Variants in EYS observed in about 807,000 individuals in gnomAD.
EYS encodes the protein protein eyes shut homolog.
Under a neutral mutation model 282.1 loss-of-function variants are expected in EYS, and 250 were observed. The ratio of observed to expected loss-of-function variants is 0.89; its 90% CI spans 0.80 to 0.98. The LOEUF (loss-of-function observed/expected upper bound fraction) is 0.98. EYS is among the 50% of genes least tolerant of loss of function. The pLI, the probability that EYS is intolerant of heterozygous loss-of-function variation, is 0.00. For missense variants in EYS, 4,016 were observed against 3,709.0 expected, an observed-to-expected ratio of 1.08 and a Z score of -2.15; for synonymous variants, 1,355 against 1,282.9, an observed-to-expected ratio of 1.06 and a Z score of -1.20.
chr6:65,030,299 G>C (rs555700459), intron 13 of EYS, among the ~76,000 whole-genome samples: 1 of 152,056 alleles, frequency 6.6e-6, no homozygotes, highest in Non-Finnish European at 1.5e-5. Flanking sequence ...CTTCCTGGTG[G>C]CCATTGCCAT....
intron 8 of EYS, among the ~76,000 whole-genome samples, chr6:65,363,740 G>A (rs1467124082): frequency 6.6e-6 from 1 of 151,648 alleles, no homozygotes; most frequent in Admixed American, 6.6e-5. Flanking sequence ...TTTGCATTTT[G>A]TAATTTAACT....
At chr6:65,146,582 G>A (rs1053435384) in intron 12 of EYS, among the ~76,000 whole-genome samples, 6 of 151,834 alleles carry the variant, frequency 4.0e-5, no homozygotes, top group Admixed American at 2.0e-4. Flanking sequence ...TGGTTGCTAC[G>A]TAATTACAAT....
intron 31 of EYS, among the ~76,000 whole-genome samples, chr6:64,196,228 A>G (rs967290238): frequency 5.3e-5 from 8 of 152,244 alleles, no homozygotes; most frequent in African/African-American, 1.9e-4. Context: ...GGCAATCATT[A>G]AAAAGTCAGG....
chr6:64,807,882 G>T, intron 22 of EYS, among the ~76,000 whole-genome samples: 1 of 151,778 alleles, frequency 6.6e-6, no homozygotes, highest in East Asian at 1.9e-4. Flanking sequence ...CTATGTATTT[G>T]TCCACAGTAA....
rs1161192072 is a variant in EYS at position 64,296,571 on chromosome 6, TA to T, written c.6191+10398del. ...ATATATATATATATATATATATATA[TA>T]TATATATATATACATATATATATAT... On this transcript the variant is annotated intron_variant, in intron 30 of 42. Coordinates refer to ENST00000503581, the MANE Select transcript of EYS (RefSeq NM_001142800.2). Among the ~76,000 whole-genome samples, 9 of 8,800 alleles carry T rather than the reference TA, an allele frequency of 1.0e-3. 1 individual carries two copies. Among genetic ancestry groups the T allele is most frequent in the African/African-American group, 7.0e-3 (9 of 1,282 alleles). The allele number at this position is 8,800 out of a possible 152,430, so 5.8% of individuals were successfully genotyped here.
At chr6:65,274,908 AGG>A (rs1491233550) in intron 12 of EYS, among the ~76,000 whole-genome samples, 1 of 39,098 alleles carries the variant, frequency 2.6e-5, no homozygotes, top group African/African-American at 1.3e-4. Context: ...CCAAAAAAAA[AGG>A]AGAGAGAGAG....
chr6:64,500,616 A>C (rs1433302143), intron 26 of EYS, among the ~76,000 whole-genome samples: 1 of 152,164 alleles, frequency 6.6e-6, no homozygotes, highest in Non-Finnish European at 1.5e-5. Context: ...TCAAAAGGAA[A>C]TTGTGTTAAT....
At chr6:64,842,710 G>A (rs889217525) in intron 19 of EYS, among the ~76,000 whole-genome samples, 4 of 152,044 alleles carry the variant, frequency 2.6e-5, no homozygotes, top group African/African-American at 9.7e-5. Flanking sequence ...CTTTGGACCT[G>A]CCCTAGAGAT....
chr6:64,861,331 A>G (rs564572977), intron 19 of EYS, among the ~76,000 whole-genome samples: 3 of 152,240 alleles, frequency 2.0e-5, no homozygotes, highest in African/African-American at 7.2e-5. Flanking sequence ...CTTGGCCTCA[A>G]CTCAACTCTG....
At chr6:64,652,871 C>CGT (rs1440025035) in intron 22 of EYS, among the ~76,000 whole-genome samples, 1 of 151,914 alleles carries the variant, frequency 6.6e-6, no homozygotes, top group Admixed American at 6.6e-5. Flanking sequence ...TATAAAATTC[C>CGT]GTGTGTGTGT....
chr6:65,621,023 T>C (rs1296279750), intron 2 of EYS, among the ~76,000 whole-genome samples: 1 of 152,206 alleles, frequency 6.6e-6, no homozygotes, highest in Non-Finnish European at 1.5e-5. Context: ...AAAAAATGTA[T>C]ATTCTGTTGA....
At chr6:64,746,246 G>T (rs896818945) in intron 22 of EYS, among the ~76,000 whole-genome samples, 1 of 151,846 alleles carries the variant, frequency 6.6e-6, no homozygotes, top group Non-Finnish European at 1.5e-5. Flanking sequence ...GGCCATAAGG[G>T]TTCCATCCTC....
chr6:65,114,217 T>C, intron 12 of EYS, among the ~76,000 whole-genome samples: 1 of 151,934 alleles, frequency 6.6e-6, no homozygotes, highest in Admixed American at 6.6e-5. Flanking sequence ...GTTAAAGTAT[T>C]CTAAATACAT....
chr6:65,344,338 C>T (rs930802031), intron 9 of EYS, among the ~76,000 whole-genome samples, 161 bp from the exon 10 acceptor site: 5 of 151,432 alleles, frequency 3.3e-5, no homozygotes, highest in Admixed American at 1.3e-4. Flanking sequence ...TGAAGAAGAC[C>T]TCAAAGCCCA....
chr6:64,845,474 G>A (rs1765690529), intron 19 of EYS, among the ~76,000 whole-genome samples: 1 of 151,658 alleles, frequency 6.6e-6, no homozygotes, highest in Non-Finnish European at 1.5e-5. Context: ...TAGCACATTA[G>A]ATTTGTTGAA....
intron 39 of EYS, among the ~76,000 whole-genome samples, chr6:63,786,889 A>G (rs1770375822): frequency 6.6e-6 from 1 of 152,086 alleles, no homozygotes; most frequent in African/African-American, 2.4e-5. Context: ...TTTGGGAACC[A>G]TGGATTTATG....
chr6:65,184,654 CATT>C (rs754700372), intron 12 of EYS, among the ~76,000 whole-genome samples: 3 of 151,214 alleles, frequency 2.0e-5, no homozygotes, highest in Non-Finnish European at 4.4e-5. Context: ...AAAATAATAA[CATT>C]AATAATAACA....
At chr6:64,980,510 T>C (rs1335485651) in intron 14 of EYS, among the ~76,000 whole-genome samples, 2 of 151,488 alleles carry the variant, frequency 1.3e-5, no homozygotes, top group African/African-American at 4.8e-5. Flanking sequence ...CATATTTCTA[T>C]AAATAGCAGC....
chr6:65,099,942 T>A (rs1344733861), intron 12 of EYS, among the ~76,000 whole-genome samples: 1 of 150,750 alleles, frequency 6.6e-6, no homozygotes, highest in African/African-American at 2.4e-5. Context: ...ACTGACAAAG[T>A]AAGATGTAGT....
Sources: allele counts gnomAD v4.1 joint callset (sites outside exome capture counted in the v4.1 genomes callset), GRCh38; gene constraint gnomAD v4.1.1; transcripts MANE v1.5; gene names NCBI Gene and HGNC (gene_info 2026-07-23, HGNC 2026-07-21).